PDE4B: variants seen among roughly 807,000 people sequenced by gnomAD.
The protein encoded by PDE4B is 3',5'-cyclic-AMP phosphodiesterase 4B.
PDE4B carries 20 observed loss-of-function variants against 82.2 expected under a neutral mutation model. The observed-to-expected ratio is 0.24, with a 90% CI of 0.17 to 0.35. The LOEUF (loss-of-function observed/expected upper bound fraction) is 0.35. Among genes scored for constraint, PDE4B ranks in the 10% least tolerant of loss-of-function variants. The pLI is 1.00. For missense variants in PDE4B, 655 were observed against 907.2 expected, an observed-to-expected ratio of 0.72 and a Z score of 3.57; for synonymous variants, 320 against 318.9, an observed-to-expected ratio of 1.00 and a Z score of -0.04.
At chr1:65,814,307 C>T (rs754005130) in intron 1 of PDE4B, among the ~76,000 whole-genome samples, 7 of 152,114 alleles carry the variant, frequency 4.6e-5, no homozygotes, top group Non-Finnish European at 7.3e-5. Context: ...ATTATATGTA[C>T]ATATGTTTAG....
In PDE4B at chr1:66,214,224, C is replaced by G. The variant is rs17128543; in HGVS notation, c.282-33236C>G. Among the ~76,000 whole-genome samples, 945 of 152,304 alleles carry G rather than the reference C, an allele frequency of 6.2e-3. 11 individuals are homozygous for G. The highest frequency in any genetic ancestry group is 0.022 in the African/African-American group (902 of 41,564). On this transcript the variant is annotated intron_variant, in intron 3 of 16. Transcript: ENST00000341517. ...CAAGCATTTTCTACAGGAAACTGTACATCTGGGATTAGTACTATTTAGACT... is the reference window on the plus strand; with the variant it reads ...CAAGCATTTTCTACAGGAAACTGTAGATCTGGGATTAGTACTATTTAGACT...
At chr1:66,302,060 C>A (rs1026396091) in intron 7 of PDE4B, among the ~76,000 whole-genome samples, 7 of 152,146 alleles carry the variant, frequency 4.6e-5, no homozygotes, top group African/African-American at 1.7e-4. Flanking sequence ...TAGAACACAG[C>A]ATCACTGGGT....
intron 7 of PDE4B, among the ~76,000 whole-genome samples, chr1:66,299,148 A>G (rs1380955735): frequency 1.3e-5 from 2 of 152,140 alleles, no homozygotes; most frequent in Non-Finnish European, 2.9e-5. Context: ...TTTACCCCAT[A>G]GTGCAATAGA....
intron 7 of PDE4B, among the ~76,000 whole-genome samples, chr1:66,294,600 A>G (rs372283503): frequency 6.6e-6 from 1 of 152,198 alleles, no homozygotes; most frequent in East Asian, 1.9e-4. Flanking sequence ...ACAGGTCAGT[A>G]AAAGAGATAA....
intron 3 of PDE4B, among the ~76,000 whole-genome samples, chr1:66,222,866 C>T (rs1319977517): frequency 6.6e-6 from 1 of 152,004 alleles, no homozygotes; most frequent in African/African-American, 2.4e-5. Context: ...AAGCCTTTCT[C>T]CTTGGGAAAA....
chr1:66,175,573 A>G (rs1241725830), intron 3 of PDE4B, among the ~76,000 whole-genome samples: 1 of 152,196 alleles, frequency 6.6e-6, no homozygotes, highest in African/African-American at 2.4e-5. Context: ...TTTTTTATTT[A>G]TAAACATTTA....
intron 7 of PDE4B, among the ~76,000 whole-genome samples, chr1:66,296,298 G>A (rs188589437): frequency 3.3e-5 from 5 of 152,250 alleles, no homozygotes; most frequent in Admixed American, 2.6e-4. Context: ...CCTACATACT[G>A]GTAGGCACGT....
chr1:66,293,761 A>G (rs1657284939), intron 7 of PDE4B, among the ~76,000 whole-genome samples: 1 of 152,242 alleles, frequency 6.6e-6, no homozygotes, highest in East Asian at 1.9e-4. Context: ...CTTCTCAGCC[A>G]ATAGACATAC....
chr1:65,924,077 A>ATTTTT lies in PDE4B; in HGVS notation c.281+5253_281+5257dup, dbSNP rs71058436. 4.7e-4 allele frequency among the ~76,000 whole-genome samples: 19 copies of ATTTTT among 40,774 alleles called. 6 individuals are homozygous for ATTTTT. The highest frequency in any genetic ancestry group is 1.7e-3 in the Admixed American group (3 of 1,772). 26.7% of individuals were successfully genotyped at this position (40,774 alleles called of 152,430 possible). ...TTCTAATCTGCCTTCCAGTTTGCTA[A>ATTTTT]TTTTTTTTTTTTTTTGAGACGGAGT... On this transcript the variant is annotated intron_variant, in intron 3 of 16. Transcript: ENST00000341517.
intron 3 of PDE4B, among the ~76,000 whole-genome samples, chr1:66,087,935 G>T (rs561728610): frequency 1.7e-4 from 25 of 151,334 alleles, no homozygotes; most frequent in Non-Finnish European, 3.1e-4. Context: ...GAGTTAGTGG[G>T]TGCAGCACAC....
At chr1:66,102,428 A>C (rs75982002) in intron 3 of PDE4B, among the ~76,000 whole-genome samples, 4,582 of 152,136 alleles carry the variant, frequency 0.03, 248 homozygotes, top group African/African-American at 0.1. Flanking sequence ...GCACATGGGA[A>C]ATATTGAAAT....
intron 3 of PDE4B, among the ~76,000 whole-genome samples, chr1:65,957,739 A>G (rs1448164540): frequency 6.6e-6 from 1 of 152,076 alleles, no homozygotes; most frequent in African/African-American, 2.4e-5. Flanking sequence ...TATTATTCTT[A>G]GGTCTTGCTC....
chr1:66,271,499 C>T (rs1315732029), intron 7 of PDE4B, among the ~76,000 whole-genome samples: 1 of 152,222 alleles, frequency 6.6e-6, no homozygotes, highest in African/African-American at 2.4e-5. Context: ...AAATCGCTGC[C>T]AGGGACCTAG....
At chr1:66,360,926 C>A (rs938924993) in intron 9 of PDE4B, 4 of 151,952 alleles carry the variant, frequency 2.6e-5, no homozygotes, top group East Asian at 3.9e-4. Flanking sequence ...AAACAAGAGG[C>A]CTTATTGTTA....
At chr1:66,026,460 C>T (rs997706113) in intron 3 of PDE4B, among the ~76,000 whole-genome samples, 1 of 152,176 alleles carries the variant, frequency 6.6e-6, no homozygotes, top group Non-Finnish European at 1.5e-5. Flanking sequence ...AAGTCAGATT[C>T]TTTGGGTATA....
chr1:65,848,122 CA>C (rs1292375926), intron 1 of PDE4B, among the ~76,000 whole-genome samples: 3 of 150,898 alleles, frequency 2.0e-5, no homozygotes, highest in Non-Finnish European at 4.4e-5. Flanking sequence ...AAGATGGACC[CA>C]TTTTAAGTGT....
intron 1 of PDE4B, among the ~76,000 whole-genome samples, chr1:65,885,042 T>A (rs999880432): frequency 6.6e-6 from 1 of 152,108 alleles, no homozygotes; most frequent in African/African-American, 2.4e-5. Context: ...CATCAAAAAG[T>A]GGGCAAAGGA....
intron 3 of PDE4B, among the ~76,000 whole-genome samples, chr1:65,940,961 T>A (rs1428247885): frequency 2.6e-5 from 4 of 152,070 alleles, no homozygotes; most frequent in Non-Finnish European, 5.9e-5. Context: ...AATCTCTTGA[T>A]GTACCCACCA....
intron 3 of PDE4B, among the ~76,000 whole-genome samples, chr1:66,067,278 T>C (rs915056229): frequency 1.3e-5 from 2 of 152,060 alleles, no homozygotes; most frequent in African/African-American, 2.4e-5. Flanking sequence ...ACTTCCACAA[T>C]GGTTGAACTA....
Sources: gnomAD v4.1 joint callset for allele counts (sites outside exome capture counted in the v4.1 genomes callset) on GRCh38, gnomAD v4.1.1 for gene constraint, MANE v1.5 for transcripts, NCBI Gene and HGNC (gene_info 2026-07-23, HGNC 2026-07-21) for gene names.